SSBP2: variants seen among roughly 807,000 people sequenced by gnomAD.
SSBP2 encodes the protein single stranded DNA binding protein 2.
In SSBP2, 17 loss-of-function variants were observed where a neutral mutation model predicts 61.8. That is an observed-to-expected ratio of 0.28 (90% CI 0.19 to 0.41). SSBP2 has a LOEUF of 0.41. Among genes scored for constraint, SSBP2 ranks in the 10% least tolerant of loss-of-function variants. The probability of loss-of-function intolerance (pLI) is 1.00; values close to 1 mark genes in which losing one functional copy is unlikely to be tolerated. For missense variants in SSBP2, 310 were observed against 458.7 expected (o/e 0.68, Z 2.96); for synonymous variants, 139 against 141.3 (o/e 0.98, Z 0.12).
At chr5:81,666,302 A>G (rs1751129715) in intron 1 of SSBP2, among the ~76,000 whole-genome samples, 1 of 152,214 alleles carries the variant, frequency 6.6e-6, no homozygotes, top group African/African-American at 2.4e-5. Flanking sequence ...TGAACTGAGC[A>G]TTAGTAATGT....
chr5:81,607,113 C>T (rs1744959192), intron 4 of SSBP2, among the ~76,000 whole-genome samples: 1 of 152,082 alleles, frequency 6.6e-6, no homozygotes, highest in Non-Finnish European at 1.5e-5. Context: ...TGTATTTGGG[C>T]TTTTGTCCAT....
intron 4 of SSBP2, among the ~76,000 whole-genome samples, chr5:81,516,800 GT>G (rs1397289732): frequency 9.2e-5 from 14 of 151,584 alleles, no homozygotes; most frequent in African/African-American, 3.4e-4. Context: ...TAAATAAGAA[GT>G]TTTTGGAATT....
chr5:81,654,465 T>A (rs1750035581), intron 1 of SSBP2, among the ~76,000 whole-genome samples: 1 of 152,174 alleles, frequency 6.6e-6, no homozygotes, highest in Non-Finnish European at 1.5e-5. Context: ...CAGTAAGTAA[T>A]AACAATTGTT....
intron 5 of SSBP2, among the ~76,000 whole-genome samples, chr5:81,499,556 A>T (rs1767544476): frequency 6.6e-6 from 1 of 152,178 alleles, no homozygotes; most frequent in Non-Finnish European, 1.5e-5. Flanking sequence ...AAATCCATTT[A>T]TATTCAGAAA....
intron 4 of SSBP2, among the ~76,000 whole-genome samples, chr5:81,526,893 A>G (rs990667594): frequency 6.6e-6 from 1 of 151,976 alleles, no homozygotes; most frequent in Admixed American, 6.6e-5. Flanking sequence ...CCTCAAAGTA[A>G]CAAATATTCT....
intron 1 of SSBP2, among the ~76,000 whole-genome samples, chr5:81,695,639 C>T (rs1753549125): frequency 6.6e-6 from 1 of 151,822 alleles, no homozygotes; most frequent in Non-Finnish European, 1.5e-5. Flanking sequence ...TAAATCTCTA[C>T]ATTTTATGTT....
chr5:81,751,068 G>A lies in SSBP2; in HGVS notation c.-26C>T. 1.3e-6 allele frequency: 2 copies of A among 1,575,092 alleles called. No individual in the cohort carries two copies. Among genetic ancestry groups the A allele is most frequent in the Non-Finnish European group, 1.7e-6 (2 of 1,160,356 alleles). ...GCTTGTGCCGAGAGCAGCTCCCACT[G>A]TCACGCACCTGTCAACCCATCACAG... On this transcript the variant is annotated 5_prime_UTR_variant, in exon 1 of 17. Coordinates refer to ENST00000320672, the MANE Select transcript of SSBP2 (RefSeq NM_012446.5).
chr5:81,567,389 G>T (rs1432638105), intron 4 of SSBP2, among the ~76,000 whole-genome samples: 1 of 152,228 alleles, frequency 6.6e-6, no homozygotes, highest in African/African-American at 2.4e-5. Flanking sequence ...CTTCCATGGT[G>T]TTGAGCCTGC....
At chr5:81,675,444 C>G (rs1403612306) in intron 1 of SSBP2, among the ~76,000 whole-genome samples, 1 of 152,084 alleles carries the variant, frequency 6.6e-6, no homozygotes, top group Non-Finnish European at 1.5e-5. Flanking sequence ...GTTTCAGCCT[C>G]CATCTTGGGC....
At chr5:81,588,070 A>G (rs1775209105) in intron 4 of SSBP2, among the ~76,000 whole-genome samples, 1 of 152,062 alleles carries the variant, frequency 6.6e-6, no homozygotes, top group South Asian at 2.1e-4. Context: ...GGCTCAAATG[A>G]TTCTCCCACC....
chr5:81,652,326 C>G (rs1429038300), intron 1 of SSBP2, among the ~76,000 whole-genome samples: 1 of 151,956 alleles, frequency 6.6e-6, no homozygotes, highest in African/African-American at 2.4e-5. Context: ...TTCTTTAGTA[C>G]CTAAGAAACA....
intron 4 of SSBP2, among the ~76,000 whole-genome samples, chr5:81,548,112 T>C (rs61561045): frequency 0.053 from 8,007 of 152,252 alleles, 391 homozygotes; most frequent in African/African-American, 0.12. Flanking sequence ...CAGTGAGTCA[T>C]AATCTTTTTG....
chr5:81,537,456 T>A (rs1770896291), intron 4 of SSBP2, among the ~76,000 whole-genome samples: 1 of 152,136 alleles, frequency 6.6e-6, no homozygotes, highest in South Asian at 2.1e-4. Context: ...TATTCTGGGA[T>A]TAAAAAAACC....
At chr5:81,632,945 C>T (rs1747865583) in intron 3 of SSBP2, among the ~76,000 whole-genome samples, 1 of 151,984 alleles carries the variant, frequency 6.6e-6, no homozygotes, top group Admixed American at 6.6e-5. Context: ...GATGGCCTTT[C>T]CCTAAATCCT....
At chr5:81,743,615 C>T (rs913053488) in intron 1 of SSBP2, among the ~76,000 whole-genome samples, 4 of 152,174 alleles carry the variant, frequency 2.6e-5, no homozygotes, top group Non-Finnish European at 5.9e-5. Flanking sequence ...AGGTAGTTCA[C>T]GTGAGCCAAT....
chr5:81,650,095 G>A (rs550172593), intron 2 of SSBP2, among the ~76,000 whole-genome samples, 172 bp downstream of exon 2: 30 of 152,164 alleles, frequency 2.0e-4, no homozygotes, highest in African/African-American at 5.8e-4. Flanking sequence ...CACAGAAGTG[G>A]CATGGGGATA....
At chr5:81,434,460 C>G (rs1341158666) in intron 15 of SSBP2, among the ~76,000 whole-genome samples, 5 of 151,660 alleles carry the variant, frequency 3.3e-5, no homozygotes, top group Non-Finnish European at 5.9e-5. Context: ...GAGTTCCAGA[C>G]CAGCCTGACA....
intron 10 of SSBP2, among the ~76,000 whole-genome samples, chr5:81,455,320 C>A (rs1254059408): frequency 1.3e-5 from 2 of 151,436 alleles, no homozygotes; most frequent in Non-Finnish European, 2.9e-5. Context: ...TTCTCTTTAT[C>A]CCTAAATCCT....
At chr5:81,504,238 T>A (rs573611005) in intron 5 of SSBP2, among the ~76,000 whole-genome samples, 1 of 152,278 alleles carries the variant, frequency 6.6e-6, no homozygotes, top group African/African-American at 2.4e-5. Context: ...TTGTCAAAAT[T>A]TTGCAATGAC....
Sources: allele counts gnomAD v4.1 joint callset (sites outside exome capture counted in the v4.1 genomes callset), GRCh38; gene constraint gnomAD v4.1.1; transcripts MANE v1.5; gene names NCBI Gene and HGNC (gene_info 2026-07-23, HGNC 2026-07-21).